The following LPA variants were observed in gnomAD, a reference collection of about 807,000 sequenced individuals.
LPA encodes the protein lipoprotein(a), also known as apolipoprotein(a).
In LPA, 199 loss-of-function variants were observed where a neutral mutation model predicts 197.9. That is an observed-to-expected ratio of 1.01 (90% CI 0.90 to 1.13). The LOEUF (loss-of-function observed/expected upper bound fraction) is 1.13, where lower values mean the gene tolerates loss of function less well. LPA is among the 50% of genes most tolerant of loss of function. LPA has a pLI of 0.00. For missense variants in LPA, 1,853 were observed against 1,785.8 expected (o/e 1.04, Z -0.68); for synonymous variants, 715 against 639.5 (o/e 1.12, Z -1.78).
chr6:160,647,250 T>C (rs1436560069), intron 2 of LPA, among the ~76,000 whole-genome samples: 1 of 152,150 alleles, frequency 6.6e-6, no homozygotes, highest in Non-Finnish European at 1.5e-5. Context: ...CGGACAGCTA[T>C]GGAGGAGCAA....
At chr6:160,558,580 A>G (rs532706907) in intron 28 of LPA, among the ~76,000 whole-genome samples, 1 of 152,312 alleles carries the variant, frequency 6.6e-6, no homozygotes, top group South Asian at 2.1e-4. Flanking sequence ...TCCTGCTCTC[A>G]GTCCATCCTC....
Position 160,531,723 on chromosome 6 carries a change from G to A in LPA, c.*6C>T, listed in dbSNP as rs779563059. On this transcript the variant is annotated 3_prime_UTR_variant, in exon 39 of 39. Coordinates refer to ENST00000316300, the MANE Select transcript of LPA (RefSeq NM_005577.4). ...AGGTTGATGCTTCACTCTGTCTCCC[G>A]TCCAATTAATTATTTCTCATCATTC... 2.4e-5 allele frequency: 38 copies of A among 1,613,778 alleles called. 1 individual carries two copies. The East Asian group carries it at 5.3e-4, about 23-fold the overall frequency.
At chr6:160,555,463 GTATATATATA>G (rs1210347450) in intron 30 of LPA, among the ~76,000 whole-genome samples, 18 of 103,740 alleles carry the variant, frequency 1.7e-4, no homozygotes, top group African/African-American at 6.5e-4. Flanking sequence ...ATATGTGTGT[GTATATATATA>G]TGTATATATA....
chr6:160,543,866 C>G (rs1778022397), intron 33 of LPA, among the ~76,000 whole-genome samples: 1 of 152,210 alleles, frequency 6.6e-6, no homozygotes, highest in Non-Finnish European at 1.5e-5. Flanking sequence ...TGAGTCAAAC[C>G]TGAATATCCC....
intron 1 of LPA, among the ~76,000 whole-genome samples, chr6:160,663,912 C>G (rs1379618703): frequency 2.0e-5 from 3 of 152,214 alleles, no homozygotes; most frequent in Non-Finnish European, 4.4e-5. Context: ...GACTGGCCAT[C>G]ATGTAGGCAC....
intron 1 of LPA, among the ~76,000 whole-genome samples, chr6:160,655,525 CG>C (rs972671563): frequency 1.9e-4 from 29 of 152,190 alleles, no homozygotes; most frequent in Non-Finnish European, 3.5e-4. Context: ...CACACCCAAA[CG>C]AGGAATGTGT....
intron 2 of LPA, among the ~76,000 whole-genome samples, chr6:160,649,718 G>C (rs926954897): frequency 6.6e-6 from 1 of 152,140 alleles, no homozygotes; most frequent in Non-Finnish European, 1.5e-5. Flanking sequence ...GTGAAAGACT[G>C]GCCATGGTGT....
At chr6:160,541,601 G>A (rs41266346) in intron 34 of LPA, among the ~76,000 whole-genome samples, 3,314 of 152,326 alleles carry the variant, frequency 0.022, 115 homozygotes, top group African/African-American at 0.075. Context: ...ATCCTGAGCA[G>A]CAGTGACTCA....
chr6:160,563,622 T>G (rs1435565965), intron 28 of LPA, among the ~76,000 whole-genome samples: 1 of 152,250 alleles, frequency 6.6e-6, no homozygotes, highest in Non-Finnish European at 1.5e-5. Context: ...TGAATATCCT[T>G]GTTAATTTTC....
chr6:160,604,832 C>T (rs1262423266), intron 18 of LPA, among the ~76,000 whole-genome samples: 1 of 152,128 alleles, frequency 6.6e-6, no homozygotes, highest in Non-Finnish European at 1.5e-5. Context: ...CCTCCAGATA[C>T]CTTTCTGCTC....
intron 4 of LPA, among the ~76,000 whole-genome samples, chr6:160,643,083 A>AGTTTGTGT (rs1779866603): frequency 7.6e-6 from 1 of 131,070 alleles, no homozygotes; most frequent in African/African-American, 2.8e-5. Context: ...GTGTGTTTTC[A>AGTTTGTGT]GTGTGTGTGT....
At chr6:160,575,969 G>C (rs1431303496) in intron 28 of LPA, among the ~76,000 whole-genome samples, 1 of 152,034 alleles carries the variant, frequency 6.6e-6, no homozygotes, top group Non-Finnish European at 1.5e-5. Context: ...AGTTCATCAA[G>C]ACTGCTGTGG....
At chr6:160,557,671 C>G in intron 28 of LPA, 100 bp from the exon 29 acceptor site, 1 of 1,021,686 alleles carries the variant, frequency 9.8e-7, no homozygotes, top group Non-Finnish European at 1.5e-6. Context: ...TAAAAAGTGA[C>G]GTTGTAATAT....
At chr6:160,588,873 C>A (rs1173722836) in intron 24 of LPA, among the ~76,000 whole-genome samples, 5 of 152,214 alleles carry the variant, frequency 3.3e-5, no homozygotes, top group Non-Finnish European at 7.3e-5. Flanking sequence ...CCTACCATAT[C>A]TGTTGTCCAA....
chr6:160,563,575 TA>T (rs1481427099), intron 28 of LPA, among the ~76,000 whole-genome samples: 1 of 152,252 alleles, frequency 6.6e-6, no homozygotes. Context: ...TGTAGATGTC[TA>T]TTAGGTCAGC....
intron 38 of LPA, among the ~76,000 whole-genome samples, 186 bp from the exon 39 acceptor site, chr6:160,532,076 A>G (rs748070819): frequency 2.6e-5 from 4 of 152,140 alleles, no homozygotes; most frequent in African/African-American, 4.8e-5. Context: ...ACAAAACCAC[A>G]TCACTTAGTT....
At chr6:160,635,350 G>A in intron 6 of LPA, 46 bp from the exon 7 acceptor site, 1 of 790,000 alleles carries the variant, frequency 1.3e-6, no homozygotes, top group Non-Finnish European at 1.9e-6. Flanking sequence ...GGGACAACAT[G>A]CAGGGGCACC....
In LPA at chr6:160,585,145, C is replaced by T. The variant is rs199747804; in HGVS notation, c.4190G>A (p.Arg1397Gln). 128 of 1,613,770 alleles carry T rather than the reference C, an allele frequency of 7.9e-5. 1 individual carries two copies. The South Asian group carries it at 8.0e-4, about 10-fold the overall frequency. ...TGTGATAGTGGTGGAGAGTGTGCCTCGATAACTCTGTCCATCACCTCGGTA... is the reference window on the plus strand; with the variant it reads ...TGTGATAGTGGTGGAGAGTGTGCCTTGATAACTCTGTCCATCACCTCGGTA... ...DCYRGDGQSYRGTLSTTITGR... is the reference protein window; with the variant it reads ...DCYRGDGQSYQGTLSTTITGR... The change falls in exon 26 of 39, where the codon CGA (arginine) becomes CAA (glutamine). Residue 1397 changes from arginine to glutamine, a missense_variant. Physicochemically the swap from Arg to Gln is conservative, Grantham distance 43. This residue lies in a region of LPA where 1,737 missense variants were observed against 1,504.4 expected (regional missense o/e 1.15). Coordinates refer to ENST00000316300, the MANE Select transcript of LPA (RefSeq NM_005577.4).
Position 160,548,582 on chromosome 6 carries a change from C to T in LPA, c.5051G>A (p.Arg1684Lys), listed in dbSNP as rs769645630. The change falls in exon 31 of 39, where the codon AGG becomes AAG. Residue 1684 changes from arginine to lysine, a missense_variant. Arg to Lys is a conservative substitution (Grantham distance 26). This residue lies in a region of LPA where 1,737 missense variants were observed against 1,504.4 expected (regional missense o/e 1.15). Coordinates refer to ENST00000316300, the MANE Select transcript of LPA (RefSeq NM_005577.4). The stretch of plus-strand genomic sequence containing the variant: ...TCGCGTCAGGTTGCAGTACTCCCAC[C>T]TGATGCTGGGGTCCATGGTAAAACA... ...PWCFTMDPSI[R>K]WEYCNLTRCS... 6.2e-7 allele frequency: 1 copy of T among 1,614,122 alleles called. No individual in the cohort carries two copies. Among genetic ancestry groups the T allele is most frequent in the East Asian group, 2.2e-5 (1 of 44,872 alleles).
Sources: gnomAD v4.1 joint callset for allele counts (sites outside exome capture counted in the v4.1 genomes callset) on GRCh38, gnomAD v4.1.1 for gene constraint, gnomAD v4.1.1 regional missense constraint, MANE v1.5 for transcripts, NCBI Gene and HGNC (gene_info 2026-07-23, HGNC 2026-07-21) for gene names.